The following CRYBG3 variants were observed in gnomAD, a reference collection of about 807,000 sequenced individuals.
CRYBG3 encodes crystallin beta-gamma domain containing 3.
A neutral mutation model predicts 244.2 loss-of-function variants in CRYBG3; 127 were observed. The observed-to-expected ratio is 0.52, with a 90% CI of 0.45 to 0.60. The LOEUF (loss-of-function observed/expected upper bound fraction) is 0.60. CRYBG3 is among the 20% of genes least tolerant of loss of function. The probability of loss-of-function intolerance (pLI) is 0.00; values close to 1 mark genes in which losing one functional copy is unlikely to be tolerated. For missense variants in CRYBG3, 3,325 were observed against 3,442.5 expected, an observed-to-expected ratio of 0.97 and a Z score of 0.85; for synonymous variants, 1,132 against 1,195.8, an observed-to-expected ratio of 0.95 and a Z score of 1.10.
chr3:97,875,117 T>C lies in CRYBG3; in HGVS notation c.3923T>C (p.Leu1308Ser). ...TTGTTAGAAGATAAAGCTAGGGAATTAGTCAATGAGATTATTTATGTAGCC... is the reference window on the plus strand; with the variant it reads ...TTGTTAGAAGATAAAGCTAGGGAATCAGTCAATGAGATTATTTATGTAGCC... ...SCLLEDKARELVNEIIYVAQE... is the reference protein window; with the variant it reads ...SCLLEDKARESVNEIIYVAQE... The change falls in exon 4 of 22, where the codon TTA becomes TCA. Residue 1308 changes from leucine to serine, a missense_variant. By Grantham distance (145) the Leu-to-Ser change is moderately radical. Coordinates refer to ENST00000389622, the MANE Select transcript of CRYBG3 (RefSeq NM_153605.4). 6.5e-7 allele frequency: 1 copy of C among 1,534,754 alleles called. No individual in the cohort carries two copies. Among genetic ancestry groups the C allele is most frequent in the Non-Finnish European group, 8.7e-7 (1 of 1,146,048 alleles).
At chr3:97,829,982 G>A (rs1341015230) in intron 1 of CRYBG3, among the ~76,000 whole-genome samples, 1 of 151,986 alleles carries the variant, frequency 6.6e-6, no homozygotes, top group Non-Finnish European at 1.5e-5. Context: ...ATGTTTTTCT[G>A]TTCTTGGTTT....
At chr3:97,927,137 G>A (rs2040049274) in intron 17 of CRYBG3, among the ~76,000 whole-genome samples, 2 of 152,152 alleles carry the variant, frequency 1.3e-5, no homozygotes, top group Middle Eastern at 3.4e-3. Flanking sequence ...GAACAAAGCT[G>A]GAGGCATCAT....
At position 97,864,628 on chromosome 3, in the gene CRYBG3, G is replaced by T. The variant is rs1049753006; in HGVS notation, c.628G>T (p.Glu210Ter). The T allele has an allele frequency of 2.6e-5, 39 of 1,517,042 alleles. No homozygotes were observed. Among genetic ancestry groups the T allele is most frequent in the Non-Finnish European group, 3.3e-5 (38 of 1,138,892 alleles). The allele number at this position is 1,517,042 out of a possible 1,614,324, so 94.0% of individuals were successfully genotyped here. ...SLDTTQDSDQ[E>*]TTNLLKQIDG... is the part of the protein sequence containing the mutation. The stretch of plus-strand genomic sequence containing the variant: ...GGATACAACACAAGACAGTGACCAA[G>T]AAACCACTAATTTGCTAAAGTAAGT... Residue 210 changes from glutamate to a stop codon, truncating the protein, a stop_gained, in exon 3 of 22, where the codon GAA becomes TAA. Transcript: ENST00000389622. LOFTEE classifies it high-confidence loss of function.
At chr3:97,923,161 G>A (rs2040001455) in intron 17 of CRYBG3, among the ~76,000 whole-genome samples, 1 of 152,032 alleles carries the variant, frequency 6.6e-6, no homozygotes, top group Admixed American at 6.6e-5. Context: ...ACACAGGGCA[G>A]GGAACATCAC....
intron 3 of CRYBG3, 118 bp from the exon 4 acceptor site, chr3:97,871,724 A>G: frequency 1.6e-6 from 1 of 643,142 alleles, no homozygotes; most frequent in Non-Finnish European, 2.4e-6. Context: ...TTACTCCCCA[A>G]ATTGGTACAT....
At chr3:97,900,354 G>C (rs1486521050) in intron 14 of CRYBG3, 99 bp from the exon 15 acceptor site, 1 of 737,280 alleles carries the variant, frequency 1.4e-6, no homozygotes, top group African/African-American at 1.8e-5. Context: ...TCTCAAAAAA[G>C]AAAAGAAAAA....
intron 2 of CRYBG3, among the ~76,000 whole-genome samples, chr3:97,858,908 A>G (rs1397717291): frequency 6.6e-6 from 1 of 152,026 alleles, no homozygotes; most frequent in African/African-American, 2.4e-5. Flanking sequence ...CTACATTGTT[A>G]CTTATGCATC....
Position 97,943,329 on chromosome 3 carries a change from C to G in CRYBG3, c.*15C>G. 7.1e-7 allele frequency: 1 copy of G among 1,408,024 alleles called. No homozygotes were observed. The highest frequency in any genetic ancestry group is 1.0e-6 in the Non-Finnish European group (1 of 996,350). The allele number at this position is 1,408,024 out of a possible 1,614,324, so 87.2% of individuals were successfully genotyped here. ...AAATATTGTGAGAGAATCAACATCC[C>G]TAGAAAGATCCCTAGAAAGAGCAAA... On this transcript the variant is annotated 3_prime_UTR_variant, in exon 22 of 22. Transcript: ENST00000389622.
At chr3:97,846,609 G>A (rs1208361018) in intron 2 of CRYBG3, among the ~76,000 whole-genome samples, 2 of 152,120 alleles carry the variant, frequency 1.3e-5, no homozygotes. Context: ...CTTACTGTTT[G>A]GGTGAAGGAA....
intron 17 of CRYBG3, among the ~76,000 whole-genome samples, chr3:97,925,488 AG>A (rs2040029880): frequency 6.6e-6 from 1 of 152,082 alleles, no homozygotes; most frequent in Non-Finnish European, 1.5e-5. Flanking sequence ...CATTCCTATA[AG>A]GGAATGAAAT....
chr3:97,877,096 A>C lies in CRYBG3; in HGVS notation c.5902A>C (p.Thr1968Pro). Residue 1968 changes from threonine to proline, a missense_variant, in exon 4 of 22, where the codon ACT (threonine) becomes CCT (proline). Thr to Pro is a conservative substitution (Grantham distance 38). Coordinates refer to ENST00000389622, the MANE Select transcript of CRYBG3 (RefSeq NM_153605.4). ...AAGACTAGACAAAAGAATGTCTCTT[A>C]CTGCAATATATGACAAGAGGAGAGA... ...TVRLDKRMSL[T>P]AIYDKRRETD... The C allele has an allele frequency of 6.2e-7, 1 of 1,612,510 alleles. No homozygotes were observed. Among genetic ancestry groups the C allele is most frequent in the Non-Finnish European group, 8.5e-7 (1 of 1,179,118 alleles).
intron 17 of CRYBG3, among the ~76,000 whole-genome samples, chr3:97,929,736 T>C (rs188951928): frequency 6.6e-6 from 1 of 152,162 alleles, no homozygotes; most frequent in Non-Finnish European, 1.5e-5. Flanking sequence ...CTTTGCCCAT[T>C]TGTCCAATAG....
intron 1 of CRYBG3, among the ~76,000 whole-genome samples, chr3:97,838,551 GGT>G (rs2038768372): frequency 6.6e-6 from 1 of 152,094 alleles, no homozygotes; most frequent in South Asian, 2.1e-4. Context: ...AGATGCCTCA[GGT>G]GATTCTGATG....
chr3:97,851,791 C>T (rs1015561653), intron 2 of CRYBG3, among the ~76,000 whole-genome samples: 3 of 151,914 alleles, frequency 2.0e-5, no homozygotes, highest in African/African-American at 7.3e-5. Context: ...CAATGCTCAG[C>T]CATTGGAGGG....
At chr3:97,868,881 C>CT (rs1484265999) in intron 3 of CRYBG3, among the ~76,000 whole-genome samples, 1 of 152,062 alleles carries the variant, frequency 6.6e-6, no homozygotes, top group Non-Finnish European at 1.5e-5. Flanking sequence ...ATCCTTTTCT[C>CT]TTATTTCCAC....
chr3:97,881,227 C>A lies in CRYBG3; in HGVS notation c.7152+8C>A. 6.4e-7 allele frequency: 1 copy of A among 1,562,546 alleles called. No homozygotes were observed. The highest frequency in any genetic ancestry group is 8.7e-7 in the Non-Finnish European group (1 of 1,155,646). On this transcript the variant is annotated splice_region_variant and intron_variant, in intron 7 of 21. Transcript: ENST00000389622. ...CTCAAACGTGTCTTAAAGGTAACAACTGTAGATTTTTCTATTTTTTATTTG... is the reference window on the plus strand; with the variant it reads ...CTCAAACGTGTCTTAAAGGTAACAAATGTAGATTTTTCTATTTTTTATTTG...
intron 11 of CRYBG3, among the ~76,000 whole-genome samples, chr3:97,893,271 T>G (rs974476752): frequency 6.6e-6 from 1 of 152,202 alleles, no homozygotes; most frequent in Non-Finnish European, 1.5e-5. Context: ...AAGATAAAAT[T>G]AGGTTTTCAC....
At chr3:97,885,215 A>G (rs995841306) in intron 7 of CRYBG3, among the ~76,000 whole-genome samples, 1 of 152,266 alleles carries the variant, frequency 6.6e-6, no homozygotes, top group Non-Finnish European at 1.5e-5. Context: ...TGCATTTTAG[A>G]ACCAATTTTC....
chr3:97,910,610 C>T (rs35025299), intron 15 of CRYBG3, among the ~76,000 whole-genome samples: 36,653 of 152,158 alleles, frequency 0.24, 4,750 homozygotes, highest in Middle Eastern at 0.33. Flanking sequence ...CTTCGGTTCG[C>T]GCACGGTGCA....
Sources: allele counts gnomAD v4.1 joint callset (sites outside exome capture counted in the v4.1 genomes callset), GRCh38; gene constraint gnomAD v4.1.1; transcripts MANE v1.5; gene names NCBI Gene and HGNC (gene_info 2026-07-23, HGNC 2026-07-21).